Variants in SPECC1 observed in about 807,000 individuals in gnomAD.
The protein encoded by SPECC1 is cytospin-B.
A neutral mutation model predicts 104.1 loss-of-function variants in SPECC1; 62 were observed. The observed-to-expected ratio is 0.60, with a 90% CI of 0.49 to 0.74. The LOEUF (loss-of-function observed/expected upper bound fraction) is 0.74, where lower values mean the gene tolerates loss of function less well. Ranked by LOEUF, SPECC1 falls within the 30% of genes least tolerant of loss-of-function variation. SPECC1 has a pLI of 0.00. For synonymous variants in SPECC1, 513 were observed against 501.6 expected, an observed-to-expected ratio of 1.02 and a Z score of -0.30; for missense variants, 1,306 against 1,310.5, an observed-to-expected ratio of 1.00 and a Z score of 0.05.
chr17:20,187,590 A>G (rs529065855), intron 3 of SPECC1, among the ~76,000 whole-genome samples: 1 of 152,300 alleles, frequency 6.6e-6, no homozygotes, highest in East Asian at 1.9e-4. Context: ...CTGAGAGAAC[A>G]TCTTTCAGTT....
At chr17:20,085,412 C>T (rs1488473583) in intron 1 of SPECC1, among the ~76,000 whole-genome samples, 2 of 152,220 alleles carry the variant, frequency 1.3e-5, no homozygotes, top group African/African-American at 4.8e-5. Flanking sequence ...GGAAACAGAT[C>T]GCACAGCAGT....
In SPECC1 at chr17:20,099,968, C is replaced by G. The variant is rs191012352; in HGVS notation, c.147+3170C>G. On this transcript the variant is annotated intron_variant, in intron 2 of 14. Coordinates refer to ENST00000395527, the MANE Select transcript of SPECC1 (RefSeq NM_001243439.2). Reference sequence around the variant, plus strand: ...TGATATAAAGGGTGTTTGCATATAACCTACACACATCCTCCCATATACTTT... The same window carrying G: ...TGATATAAAGGGTGTTTGCATATAAGCTACACACATCCTCCCATATACTTT... 1.2e-3 allele frequency among the ~76,000 whole-genome samples: 179 copies of G among 152,216 alleles called. No homozygotes were observed. The Middle Eastern group carries it at 0.017, about 14-fold the overall frequency.
chr17:20,094,869 G>A (rs2047570729), intron 1 of SPECC1, among the ~76,000 whole-genome samples: 1 of 152,234 alleles, frequency 6.6e-6, no homozygotes, highest in Middle Eastern at 3.4e-3. Context: ...CAAAATATTG[G>A]AATTACAGGC....
chr17:20,156,782 AGTCAGTTGGGCC>A (rs1280378725), intron 3 of SPECC1, among the ~76,000 whole-genome samples: 1 of 152,112 alleles, frequency 6.6e-6, no homozygotes, highest in Non-Finnish European at 1.5e-5. Context: ...AGCTTCGTGG[AGTCAGTTGGGCC>A]GTAGTTTTCG....
chr17:20,060,498 T>A (rs1016341682), intron 1 of SPECC1, among the ~76,000 whole-genome samples: 2 of 151,326 alleles, frequency 1.3e-5, no homozygotes, highest in South Asian at 2.1e-4. Context: ...AATAAAAAAA[T>A]TTAAAAAGAA....
intron 3 of SPECC1, among the ~76,000 whole-genome samples, chr17:20,158,928 T>G (rs1250598029): frequency 6.6e-6 from 1 of 151,732 alleles, no homozygotes; most frequent in Non-Finnish European, 1.5e-5. Flanking sequence ...TTTGTTTTGT[T>G]TTTTTTTGTA....
chr17:20,094,070 G>T (rs1268752643), intron 1 of SPECC1, among the ~76,000 whole-genome samples: 1 of 152,046 alleles, frequency 6.6e-6, no homozygotes, highest in Non-Finnish European at 1.5e-5. Context: ...GGGATTTGAG[G>T]AGCAGTGTAT....
At chr17:20,019,275 C>T (rs1267140738) in intron 1 of SPECC1, among the ~76,000 whole-genome samples, 1 of 151,034 alleles carries the variant, frequency 6.6e-6, no homozygotes, top group African/African-American at 2.4e-5. Context: ...TTTTAAAAAG[C>T]AGTCTTAGGC....
chr17:20,202,590 T>C (rs2036504680), intron 3 of SPECC1, among the ~76,000 whole-genome samples: 1 of 152,236 alleles, frequency 6.6e-6, no homozygotes, highest in African/African-American at 2.4e-5. Flanking sequence ...GTATTTCCTC[T>C]TCCTTATGGT....
rs533819593 is a variant in SPECC1 at position 20,173,936 on chromosome 17, T to G, written c.284-30397T>G. ...CAGTTGAAGTTTTTGGTGTTTTTTT[T>G]TTTTGTTTTTGTGGAGACGGAGTTT... On this transcript the variant is annotated intron_variant, in intron 3 of 14. Coordinates refer to ENST00000395527, the MANE Select transcript of SPECC1 (RefSeq NM_001243439.2). 3.9e-5 allele frequency among the ~76,000 whole-genome samples: 6 copies of G among 152,254 alleles called. No individual in the cohort carries two copies. The South Asian group carries it at 1.2e-3, about 32-fold the overall frequency.
chr17:20,125,113 G>A (rs1448938754), intron 3 of SPECC1, among the ~76,000 whole-genome samples: 1 of 152,158 alleles, frequency 6.6e-6, no homozygotes, highest in African/African-American at 2.4e-5. Flanking sequence ...CCGGGAGGCG[G>A]AGCTTGCAGT....
intron 3 of SPECC1, among the ~76,000 whole-genome samples, chr17:20,140,393 T>G (rs2030631469): frequency 6.6e-6 from 1 of 152,224 alleles, no homozygotes; most frequent in Admixed American, 6.5e-5. Context: ...TCCTTTCACA[T>G]GTTTGCAAAT....
At chr17:20,154,879 G>T (rs1386323227) in intron 3 of SPECC1, among the ~76,000 whole-genome samples, 2 of 152,164 alleles carry the variant, frequency 1.3e-5, no homozygotes, top group Non-Finnish European at 2.9e-5. Flanking sequence ...TGAGGGACGA[G>T]ATGTGGCATG....
rs1167043107 is a variant in SPECC1, at chr17:20,235,526, A to G, written c.2351+3121A>G. Among the ~76,000 whole-genome samples, 5 of 152,192 alleles carry G rather than the reference A, an allele frequency of 3.3e-5. No individual in the cohort carries two copies. In the East Asian group the frequency reaches 9.6e-4, roughly 29 times the overall value. On this transcript the variant is annotated intron_variant, in intron 7 of 14. Coordinates refer to ENST00000395527, the MANE Select transcript of SPECC1 (RefSeq NM_001243439.2). ...AAAACAGAAAAAACACAGGCAGCTC[A>G]ATGTAATGATATATTGTGCCGCATA...
At chr17:20,078,518 T>C (rs1597658719) in intron 1 of SPECC1, among the ~76,000 whole-genome samples, 2 of 152,106 alleles carry the variant, frequency 1.3e-5, no homozygotes, top group East Asian at 3.9e-4. Context: ...AAATGGAAAA[T>C]ATGAATAATG....
At chr17:20,299,576 A>AAAAG (rs1455837589) in intron 13 of SPECC1, among the ~76,000 whole-genome samples, 1 of 117,784 alleles carries the variant, frequency 8.5e-6, no homozygotes, top group African/African-American at 3.1e-5. Flanking sequence ...AAAAAAAAAA[A>AAAAG]AAAGAAAAGA....
intron 1 of SPECC1, among the ~76,000 whole-genome samples, chr17:20,066,207 C>T (rs1157150826): frequency 3.3e-5 from 5 of 152,202 alleles, no homozygotes; most frequent in African/African-American, 9.6e-5. Context: ...AGGTACCCCT[C>T]TCTGAGGACT....
rs924526659 is a variant in SPECC1 at position 20,318,331 on chromosome 17, G to A, written c.*4266G>A. The A allele has an allele frequency of 5.2e-5, 12 of 232,034 alleles. No individual in the cohort carries two copies. Among genetic ancestry groups the A allele is most frequent in the African/African-American group, 2.4e-4 (11 of 45,284 alleles). 14.4% of individuals were successfully genotyped at this position (232,034 alleles called of 1,614,324 possible). On this transcript the variant is annotated 3_prime_UTR_variant, in exon 15 of 15. Transcript: ENST00000395527. ...GATAACATTCTCAGGAGCTTCTCTT[G>A]TCCTAGCCCCTTCTCATTTCAAAAA...
chr17:20,269,501 C>T (rs1343377342), intron 12 of SPECC1, among the ~76,000 whole-genome samples: 2 of 152,196 alleles, frequency 1.3e-5, no homozygotes, highest in Non-Finnish European at 2.9e-5. Flanking sequence ...TCTCGGCTCA[C>T]CACAACCTCC....
Sources: allele counts gnomAD v4.1 joint callset (sites outside exome capture counted in the v4.1 genomes callset), GRCh38; gene constraint gnomAD v4.1.1; transcripts MANE v1.5; gene names NCBI Gene and HGNC (gene_info 2026-07-23, HGNC 2026-07-21).